Variants in RERG observed in about 807,000 individuals in gnomAD.
RERG encodes ras-related and estrogen-regulated growth inhibitor.
RERG carries 25 observed loss-of-function variants against 23.2 expected under a neutral mutation model. The observed-to-expected ratio is 1.08, with a 90% confidence interval of 0.79 to 1.50. RERG has a LOEUF of 1.50. RERG is among the 40% of genes most tolerant of loss of function. The probability of loss-of-function intolerance (pLI) is 0.00; values close to 1 mark genes in which losing one functional copy is unlikely to be tolerated. For synonymous variants in RERG, 81 were observed against 89.1 expected (o/e 0.91, Z 0.51); for missense variants, 253 against 250.1 (o/e 1.01, Z -0.08).
chr12:15,213,464 G>C (rs1284375179), intron 2 of RERG, among the ~76,000 whole-genome samples: 1 of 152,166 alleles, frequency 6.6e-6, no homozygotes, highest in Non-Finnish European at 1.5e-5. Flanking sequence ...AAGATAGAAA[G>C]GGCTGGGAAA....
chr12:15,122,987 C>T (rs6488753), intron 2 of RERG, among the ~76,000 whole-genome samples: 9,058 of 151,798 alleles, frequency 0.06, 416 homozygotes, highest in Non-Finnish European at 0.096. Context: ...TTAGTAGAGA[C>T]GGGATTTCAC....
intron 2 of RERG, among the ~76,000 whole-genome samples, chr12:15,166,375 C>T (rs1864687239): frequency 1.3e-5 from 2 of 152,106 alleles, no homozygotes; most frequent in Admixed American, 6.5e-5. Context: ...AGGTGTTATG[C>T]AAAAAGAATG....
chr12:15,221,370 G>A lies in RERG; in HGVS notation c.-290C>T, dbSNP rs963734758. On this transcript the variant is annotated 5_prime_UTR_variant, in exon 1 of 5. Coordinates refer to ENST00000256953, the MANE Select transcript of RERG (RefSeq NM_032918.3). Reference sequence around the variant, plus strand: ...CAGAAGCAAGTGCCAGTGGCCCGGCGGGGGTCTCCTCACTCGCGCTCGCTC... The same window carrying A: ...CAGAAGCAAGTGCCAGTGGCCCGGCAGGGGTCTCCTCACTCGCGCTCGCTC... The A allele has an allele frequency of 1.3e-5, 2 of 152,400 alleles. No homozygotes were observed. Among genetic ancestry groups the A allele is most frequent in the African/African-American group, 4.8e-5 (2 of 41,586 alleles). The allele number at this position is 152,400 out of a possible 1,614,324, so 9.4% of individuals were successfully genotyped here. A position where few individuals can be genotyped will look rare whatever the true frequency, so the allele number is the denominator to read the frequency against.
At chr12:15,113,356 A>AAGAT (rs559704592) in intron 3 of RERG, among the ~76,000 whole-genome samples, 9 of 152,168 alleles carry the variant, frequency 5.9e-5, no homozygotes, top group Non-Finnish European at 1.2e-4. Flanking sequence ...GGTGTTTGAA[A>AAGAT]AGATATAAAA....
chr12:15,171,034 TTATCACTGTAG>T (rs1318016992), intron 2 of RERG, among the ~76,000 whole-genome samples: 27 of 152,210 alleles, frequency 1.8e-4, no homozygotes, highest in African/African-American at 6.5e-4. Flanking sequence ...TTTATTGTGT[TTATCACTGTAG>T]TAACATGAAT....
intron 2 of RERG, among the ~76,000 whole-genome samples, chr12:15,142,069 T>C (rs1168166845): frequency 6.6e-6 from 1 of 152,250 alleles, no homozygotes; most frequent in East Asian, 1.9e-4. Flanking sequence ...TTCGCTTAAC[T>C]TTAAAGAATG....
chr12:15,133,925 T>C (rs1232195414), intron 2 of RERG, among the ~76,000 whole-genome samples: 1 of 152,172 alleles, frequency 6.6e-6, no homozygotes, highest in South Asian at 2.1e-4. Context: ...TCTTTTCAGA[T>C]GTTTTACCCA....
At chr12:15,195,365 G>A (rs146754298) in intron 2 of RERG, among the ~76,000 whole-genome samples, 1 of 152,254 alleles carries the variant, frequency 6.6e-6, no homozygotes, top group East Asian at 1.9e-4. Context: ...TGCCAAGGGT[G>A]CCTGATTAGG....
intron 3 of RERG, among the ~76,000 whole-genome samples, chr12:15,120,230 T>C (rs1307914862): frequency 6.6e-6 from 1 of 152,182 alleles, no homozygotes; most frequent in Non-Finnish European, 1.5e-5. Flanking sequence ...CCCTTCCTTA[T>C]TGTTTTCCTT....
intron 2 of RERG, among the ~76,000 whole-genome samples, chr12:15,147,029 T>C (rs1414789279): frequency 1.3e-5 from 2 of 152,008 alleles, no homozygotes; most frequent in Non-Finnish European, 2.9e-5. Context: ...TCTAAAGCTT[T>C]TGATTGTGTC....
At chr12:15,166,523 A>ATGGTGGTGGTGGTGGTGGTGGTGGTGG (rs148048968) in intron 2 of RERG, among the ~76,000 whole-genome samples, 8 of 148,958 alleles carry the variant, frequency 5.4e-5, no homozygotes, top group Admixed American at 4.7e-4. Flanking sequence ...GATGGTGGTG[A>ATGGTGGTGGTGGTGGTGGTGGTGGTGG]TGGTGGTGGT....
At chr12:15,176,054 G>A (rs539104609) in intron 2 of RERG, among the ~76,000 whole-genome samples, 2 of 152,284 alleles carry the variant, frequency 1.3e-5, no homozygotes, top group Admixed American at 6.5e-5. Flanking sequence ...AGTCTAAAAC[G>A]TTATTAGTGT....
chr12:15,137,267 C>A (rs11832193), intron 2 of RERG, among the ~76,000 whole-genome samples: 1 of 151,272 alleles, frequency 6.6e-6, no homozygotes, highest in Non-Finnish European at 1.5e-5. Flanking sequence ...TTTGTCTATC[C>A]CTTTACTTTT....
chr12:15,126,669 CAT>C (rs1445758711), intron 2 of RERG, among the ~76,000 whole-genome samples: 1 of 151,142 alleles, frequency 6.6e-6, no homozygotes, highest in Non-Finnish European at 1.5e-5. Flanking sequence ...AAAAGAAACA[CAT>C]ATTTAAAATG....
intron 2 of RERG, among the ~76,000 whole-genome samples, chr12:15,173,572 C>A (rs749611815): frequency 6.6e-6 from 1 of 151,944 alleles, no homozygotes; most frequent in East Asian, 1.9e-4. Context: ...ATACTCCCAT[C>A]TTGTCATCTT....
intron 2 of RERG, among the ~76,000 whole-genome samples, chr12:15,174,536 G>C (rs1472232701): frequency 6.6e-6 from 1 of 151,090 alleles, no homozygotes; most frequent in East Asian, 1.9e-4. Flanking sequence ...GCAGTTTTGG[G>C]CCATAATTTT....
intron 2 of RERG, among the ~76,000 whole-genome samples, chr12:15,149,229 T>C (rs897427055): frequency 1.3e-5 from 2 of 152,152 alleles, no homozygotes; most frequent in African/African-American, 4.8e-5. Flanking sequence ...CAGGGCTGTG[T>C]TTATTTGCTT....
chr12:15,211,284 TACAC>T (rs56263472), intron 2 of RERG, among the ~76,000 whole-genome samples: 22,837 of 142,678 alleles, frequency 0.16, 1,749 homozygotes, highest in Admixed American at 0.18. Flanking sequence ...TGTCATTTTA[TACAC>T]ACACACACAC....
chr12:15,212,883 A>G (rs972289337), intron 2 of RERG, among the ~76,000 whole-genome samples: 2 of 152,242 alleles, frequency 1.3e-5, no homozygotes, highest in African/African-American at 2.4e-5. Flanking sequence ...AGATGAAAAA[A>G]GCTTTTAAAA....
Sources: gnomAD v4.1 joint callset for allele counts (sites outside exome capture counted in the v4.1 genomes callset) on GRCh38, gnomAD v4.1.1 for gene constraint, MANE v1.5 for transcripts, NCBI Gene and HGNC (gene_info 2026-07-23, HGNC 2026-07-21) for gene names.